The following STK32C variants were observed in gnomAD, a reference collection of about 807,000 sequenced individuals.
STK32C encodes the protein serine/threonine kinase 32C.
STK32C carries 31 observed loss-of-function variants against 56.5 expected under a neutral mutation model. The ratio of observed to expected loss-of-function variants is 0.55; its 90% CI spans 0.41 to 0.74. STK32C has a LOEUF of 0.74. Among genes scored for constraint, STK32C ranks in the 30% least tolerant of loss-of-function variants. The probability of loss-of-function intolerance (pLI) is 0.00; values close to 1 mark genes in which losing one functional copy is unlikely to be tolerated. For synonymous variants in STK32C, 309 were observed against 289.4 expected (o/e 1.07, Z -0.69); for missense variants, 544 against 676.9 (o/e 0.80, Z 2.18).
At chr10:132,298,662 TG>T (rs1041204423) in intron 1 of STK32C, among the ~76,000 whole-genome samples, 2 of 149,498 alleles carry the variant, frequency 1.3e-5, no homozygotes, top group Non-Finnish European at 1.5e-5. Context: ...GTGGGGTCAC[TG>T]GGGGGGAGTT....
intron 1 of STK32C, among the ~76,000 whole-genome samples, chr10:132,304,301 GCCTGAGCC>G (rs1460797771): frequency 1.3e-5 from 2 of 151,638 alleles, no homozygotes; most frequent in Admixed American, 1.3e-4. Context: ...TAAAAAAAAA[GCCTGAGCC>G]CCTGAGCCCC....
At chr10:132,294,276 T>C (rs1009179389) in intron 1 of STK32C, among the ~76,000 whole-genome samples, 8 of 151,838 alleles carry the variant, frequency 5.3e-5, no homozygotes, top group African/African-American at 1.9e-4. Flanking sequence ...GGAAGGGGGT[T>C]GGGGATCAGG....
At chr10:132,249,945 C>T (rs1471092575) in intron 1 of STK32C, among the ~76,000 whole-genome samples, 3 of 152,224 alleles carry the variant, frequency 2.0e-5, no homozygotes, top group Admixed American at 6.5e-5. Context: ...CAGCACTCAG[C>T]GGAGGAGATA....
At chr10:132,264,272 A>G (rs934757011) in intron 1 of STK32C, among the ~76,000 whole-genome samples, 4 of 152,260 alleles carry the variant, frequency 2.6e-5, no homozygotes, top group African/African-American at 9.6e-5. Context: ...CAAGATAATT[A>G]TTTAAGTGGC....
chr10:132,244,445 C>T (rs954287977), intron 2 of STK32C, among the ~76,000 whole-genome samples: 4 of 152,208 alleles, frequency 2.6e-5, no homozygotes, highest in Non-Finnish European at 2.9e-5. Flanking sequence ...CATCCCCAGG[C>T]AGGAGTGCAG....
At chr10:132,309,070 C>T (rs528274905), upstream of STK32C, among the ~76,000 whole-genome samples, 1 of 152,350 alleles carries the variant, frequency 6.6e-6, no homozygotes, top group African/African-American at 2.4e-5. Flanking sequence ...CCCGCCCGGA[C>T]GATGAGCGGA....
chr10:132,303,212 T>C lies in STK32C; in HGVS notation c.262+4360A>G, dbSNP rs555460963. Among the ~76,000 whole-genome samples, 11 of 152,326 alleles carry C rather than the reference T, an allele frequency of 7.2e-5. 1 individual carries two copies. The South Asian group carries it at 2.3e-3, about 32-fold the overall frequency. On this transcript the variant is annotated intron_variant, in intron 1 of 11. Transcript: ENST00000298630. ...GGAAACATCCTAACTGCACTCATCC[T>C]GGGAAAGAGGAGAACTAATGCGAGA... is the stretch of plus-strand genomic sequence containing the variant.
Position 132,207,769 on chromosome 10 carries a change from C to T in STK32C, c.*241G>A. 1 of 420,650 alleles carries T rather than the reference C, an allele frequency of 2.4e-6. No homozygotes were observed. The highest frequency in any genetic ancestry group is 4.0e-6 in the Non-Finnish European group (1 of 252,762). 26.1% of individuals were successfully genotyped at this position (420,650 alleles called of 1,614,324 possible). ...GGTAAGAGGGCGCCCAGCAGCGCTT[C>T]CTCCATCTAGGCGGGTCTCGGGGGC... On this transcript the variant is annotated 3_prime_UTR_variant, in exon 12 of 12. Transcript: ENST00000298630.
intron 1 of STK32C, among the ~76,000 whole-genome samples, chr10:132,271,315 C>T (rs1036434968): frequency 6.6e-6 from 1 of 152,180 alleles, no homozygotes; most frequent in Non-Finnish European, 1.5e-5. Flanking sequence ...GGTTCCCAGG[C>T]CCCTGGCACT....
At chr10:132,275,458 G>T (rs2064966196) in intron 1 of STK32C, among the ~76,000 whole-genome samples, 1 of 152,226 alleles carries the variant, frequency 6.6e-6, no homozygotes, top group South Asian at 2.1e-4. Context: ...GACGTAGGAT[G>T]AGAATCAGGT....
intron 2 of STK32C, among the ~76,000 whole-genome samples, chr10:132,235,855 G>C (rs797010787): frequency 6.6e-6 from 1 of 152,162 alleles, no homozygotes; most frequent in Non-Finnish European, 1.5e-5. Context: ...GTTGTTTCAG[G>C]TGTGGAAAAA....
At chr10:132,318,547 G>A (rs557210695) in intron 1 of STK32C, among the ~76,000 whole-genome samples, 201 of 151,602 alleles carry the variant, frequency 1.3e-3, no homozygotes, top group Middle Eastern at 3.4e-3. Flanking sequence ...CCTGGGAGGC[G>A]GAGGTTGCAG....
At chr10:132,227,552 TAGTGATGACGGTGATGAG>T (rs2062933371) in intron 3 of STK32C, among the ~76,000 whole-genome samples, 1 of 151,868 alleles carries the variant, frequency 6.6e-6, no homozygotes, top group Admixed American at 6.6e-5. Context: ...GTGTTGATTA[TAGTGATGACGGTGATGAG>T]AGTGATGATG....
At chr10:132,236,706 T>C (rs1339176760) in intron 2 of STK32C, among the ~76,000 whole-genome samples, 3 of 152,148 alleles carry the variant, frequency 2.0e-5, no homozygotes, top group Non-Finnish European at 4.4e-5. Flanking sequence ...CAGCCAGAGA[T>C]AGAAACTTAG....
chr10:132,231,611 A>C (rs1333710288), intron 2 of STK32C, among the ~76,000 whole-genome samples: 8 of 152,216 alleles, frequency 5.3e-5, no homozygotes, highest in Admixed American at 4.6e-4. Context: ...GGAGCCTCGG[A>C]ATGTGGCCTT....
intron 1 of STK32C, among the ~76,000 whole-genome samples, chr10:132,276,933 G>A (rs375995940): frequency 1.3e-5 from 2 of 152,224 alleles, no homozygotes; most frequent in South Asian, 2.1e-4. Context: ...CTCACTGAAC[G>A]GCCTCTGTTC....
intron 1 of STK32C, among the ~76,000 whole-genome samples, chr10:132,292,099 C>T (rs1335363794): frequency 6.6e-6 from 1 of 152,172 alleles, no homozygotes; most frequent in Admixed American, 6.5e-5. Flanking sequence ...AGACCCCAGT[C>T]AGCACTGGGC....
intron 3 of STK32C, among the ~76,000 whole-genome samples, chr10:132,227,591 TGATGGTGGTGGTGATGGC>T (rs1438295184): frequency 6.7e-6 from 1 of 149,470 alleles, no homozygotes; most frequent in Non-Finnish European, 1.5e-5. Context: ...GTTGCAGTGG[TGATGGTGGTGGTGATGGC>T]GATGATGGTG....
chr10:132,258,899 G>T (rs534361614), intron 1 of STK32C, among the ~76,000 whole-genome samples: 4 of 152,368 alleles, frequency 2.6e-5, no homozygotes, highest in Admixed American at 6.5e-5. Flanking sequence ...GGCAGACGGG[G>T]GTTGAGGATG....
Sources: allele counts gnomAD v4.1 joint callset (sites outside exome capture counted in the v4.1 genomes callset), GRCh38; gene constraint gnomAD v4.1.1; transcripts MANE v1.5; gene names NCBI Gene and HGNC (gene_info 2026-07-23, HGNC 2026-07-21).